Variants in PSPC1 observed in about 807,000 individuals in gnomAD.
PSPC1 encodes paraspeckle protein 1.
PSPC1 carries 14 observed loss-of-function variants against 51.6 expected under a neutral mutation model. That is an observed-to-expected ratio of 0.27 (90% CI 0.18 to 0.42). PSPC1 has a LOEUF of 0.42. Ranked by LOEUF, PSPC1 falls within the 10% of genes least tolerant of loss-of-function variation. PSPC1 has a pLI of 1.00. For synonymous variants in PSPC1, 193 were observed against 231.9 expected, an observed-to-expected ratio of 0.83 and a Z score of 1.53; for missense variants, 406 against 701.1, an observed-to-expected ratio of 0.58 and a Z score of 4.75.
At chr13:19,704,586 C>A (rs1170068246) in intron 8 of PSPC1, among the ~76,000 whole-genome samples, 15 of 152,214 alleles carry the variant, frequency 9.9e-5, no homozygotes, top group Non-Finnish European at 2.2e-4. Context: ...AAATAGATAA[C>A]CAAACAATTT....
intron 3 of PSPC1, among the ~76,000 whole-genome samples, chr13:19,758,903 T>C (rs1593732621): frequency 6.6e-6 from 1 of 152,046 alleles, no homozygotes; most frequent in African/African-American, 2.4e-5. Context: ...ATGAATATTA[T>C]TGACAGTGTC....
intron 1 of PSPC1, among the ~76,000 whole-genome samples, chr13:19,778,895 C>T: frequency 9.6e-6 from 1 of 104,150 alleles, no homozygotes; most frequent in South Asian, 4.2e-4. Context: ...GGAGCATCTC[C>T]GCCCGGCCGC....
intron 6 of PSPC1, among the ~76,000 whole-genome samples, chr13:19,715,953 G>T (rs937297612): frequency 2.0e-5 from 3 of 152,060 alleles, no homozygotes; most frequent in African/African-American, 7.2e-5. Context: ...GGCGGAGCTT[G>T]CAGTGAGCCA....
rs1880136425 is a variant in PSPC1, at chr13:19,703,087, T to C, written c.*88A>G. The C allele has an allele frequency of 9.1e-7, 1 of 1,093,048 alleles. No homozygotes were observed. The highest frequency in any genetic ancestry group is 1.6e-5 in the African/African-American group (1 of 64,268). 67.7% of individuals were successfully genotyped at this position (1,093,048 alleles called of 1,614,324 possible). A position where few individuals can be genotyped will look rare whatever the true frequency, so the allele number is the denominator to read the frequency against. On this transcript the variant is annotated 3_prime_UTR_variant, in exon 9 of 9. Coordinates refer to ENST00000338910, the MANE Select transcript of PSPC1 (RefSeq NM_001354909.2). ...CTTTTAAGTCTACATACATTAACAATAAAACCATTTCTTCCAGATAACAGG... is the reference window on the plus strand; with the variant it reads ...CTTTTAAGTCTACATACATTAACAACAAAACCATTTCTTCCAGATAACAGG...
intron 5 of PSPC1, among the ~76,000 whole-genome samples, chr13:19,739,150 A>G (rs1328329980): frequency 6.6e-6 from 1 of 152,180 alleles, no homozygotes; most frequent in Non-Finnish European, 1.5e-5. Flanking sequence ...CATTAGTATT[A>G]TGATATCCAG....
chr13:19,723,505 A>C (rs1044114745), intron 6 of PSPC1, among the ~76,000 whole-genome samples: 24 of 152,230 alleles, frequency 1.6e-4, no homozygotes, highest in African/African-American at 5.5e-4. Flanking sequence ...GAAGTATTTT[A>C]ATAGTATGCA....
chr13:19,779,495 G>A (rs1397780579), intron 1 of PSPC1, among the ~76,000 whole-genome samples: 1 of 41,750 alleles, frequency 2.4e-5, no homozygotes. Flanking sequence ...CACCCCGTCC[G>A]GGAGGGAGAT....
chr13:19,744,565 CTTTT>C (rs1395061709), intron 4 of PSPC1, among the ~76,000 whole-genome samples: 2 of 149,782 alleles, frequency 1.3e-5, no homozygotes, highest in East Asian at 3.9e-4. Context: ...CTTTTTTTTT[CTTTT>C]TTTTCTTTTT....
chr13:19,690,684 G>T (rs1454299619), intron 6 of PSPC1, among the ~76,000 whole-genome samples: 1 of 152,084 alleles, frequency 6.6e-6, no homozygotes, highest in Non-Finnish European at 1.5e-5. Context: ...CGTGATTTTA[G>T]TTCTAAATTT....
At chr13:19,685,368 T>C (rs1877746571) in intron 6 of PSPC1, among the ~76,000 whole-genome samples, 1 of 152,212 alleles carries the variant, frequency 6.6e-6, no homozygotes, top group Non-Finnish European at 1.5e-5. Flanking sequence ...CCAATAATTT[T>C]GCAGTGATTA....
intron 5 of PSPC1, among the ~76,000 whole-genome samples, chr13:19,731,112 C>T (rs1884052724): frequency 6.6e-6 from 1 of 152,032 alleles, no homozygotes; most frequent in Non-Finnish European, 1.5e-5. Flanking sequence ...CAAAAGGAAG[C>T]CTTACCAACT....
At chr13:19,738,205 T>G (rs1885051207) in intron 5 of PSPC1, among the ~76,000 whole-genome samples, 1 of 152,168 alleles carries the variant, frequency 6.6e-6, no homozygotes, top group Non-Finnish European at 1.5e-5. Context: ...ACCACAGAGT[T>G]CATACCTCTG....
chr13:19,774,805 CAA>C (rs748014285), intron 1 of PSPC1, among the ~76,000 whole-genome samples: 608 of 56,156 alleles, frequency 0.011, 3 homozygotes, highest in South Asian at 0.043. Context: ...ACTCTGTGTC[CAA>C]AAAAAAAAAA....
downstream of PSPC1, chr13:19,671,894 G>C: frequency 6.2e-7 from 1 of 1,612,886 alleles, no homozygotes. Flanking sequence ...AAGGGACTGG[G>C]CGGAGTTCTC....
At chr13:19,697,792 A>T (rs1879431560), downstream of PSPC1, among the ~76,000 whole-genome samples, 1 of 152,122 alleles carries the variant, frequency 6.6e-6, no homozygotes, top group Admixed American at 6.6e-5. Context: ...ACATATTTAA[A>T]TCTAAAGAAT....
In PSPC1 at chr13:19,782,577, T is replaced by C. The variant is rs1890087173; in HGVS notation, c.181A>G (p.Met61Val). ...CTCTTGATGTCGATAGTGAACCCCATCTCCTCGTCCGGGTGGTCCTCTGGA... is the reference window on the plus strand; with the variant it reads ...CTCTTGATGTCGATAGTGAACCCCACCTCCTCGTCCGGGTGGTCCTCTGGA... ...APPEDHPDEE[M>V]GFTIDIKSFL... is the part of the protein sequence containing the mutation. The change falls in exon 1 of 9, where the codon ATG (methionine) becomes GTG (valine). Residue 61 changes from methionine (M) to valine (V), a missense_variant. Physicochemically the swap from Met to Val is conservative, Grantham distance 21 (BLOSUM62 1). Around this residue, in one of 5 missense-constraint regions of PSPC1, gnomAD observed 128 missense variants for 107.1 expected, o/e 1.20. Transcript: ENST00000338910. This position sits in a 1 kb window ranked among gnomAD's most constrained non-coding sequence, Gnocchi z 4.5. The C allele has an allele frequency of 2.5e-6, 4 of 1,602,138 alleles. No homozygotes were observed. The highest frequency in any genetic ancestry group is 2.6e-6 in the Non-Finnish European group (3 of 1,175,184).
chr13:19,705,948 T>G (rs1263747312), intron 7 of PSPC1, 117 bp from the exon 8 acceptor site: 2 of 840,524 alleles, frequency 2.4e-6, no homozygotes, highest in Non-Finnish European at 3.5e-6. Flanking sequence ...TTTTCGCTCC[T>G]TAAGAATGCG....
chr13:19,782,784 A>C lies in PSPC1; in HGVS notation c.-27T>G. ...TTACTGAGTTCGCCTCGGACACCGGATACAGGCCTAGATTTATAGACAGTG... is the reference window on the plus strand; with the variant it reads ...TTACTGAGTTCGCCTCGGACACCGGCTACAGGCCTAGATTTATAGACAGTG... On this transcript the variant is annotated 5_prime_UTR_variant, in exon 1 of 9. Coordinates refer to ENST00000338910, the MANE Select transcript of PSPC1 (RefSeq NM_001354909.2). This position sits in a 1 kb window ranked among gnomAD's most constrained non-coding sequence, Gnocchi z 4.5. The C allele has an allele frequency of 1.3e-6, 2 of 1,516,230 alleles. No homozygotes were observed. Among genetic ancestry groups the C allele is most frequent in the Non-Finnish European group, 1.7e-6 (2 of 1,149,714 alleles). 93.9% of individuals were successfully genotyped at this position (1,516,230 alleles called of 1,614,324 possible).
At chr13:19,708,643 C>T (rs558872228) in intron 7 of PSPC1, among the ~76,000 whole-genome samples, 25 of 152,222 alleles carry the variant, frequency 1.6e-4, no homozygotes, top group African/African-American at 4.6e-4. Context: ...CATGCATTGG[C>T]GACACACATA....
Sources: allele counts gnomAD v4.1 joint callset (sites outside exome capture counted in the v4.1 genomes callset), GRCh38; gene constraint gnomAD v4.1.1; regional missense constraint gnomAD v4.1.1; non-coding constraint Gnocchi (gnomAD v3.1); transcripts MANE v1.5; gene names NCBI Gene and HGNC (gene_info 2026-07-23, HGNC 2026-07-21).